MSH4: variants seen among roughly 807,000 people sequenced by gnomAD.
The protein encoded by MSH4 is mutS protein homolog 4.
In MSH4, 106 loss-of-function variants were observed where a neutral mutation model predicts 113.7. The ratio of observed to expected loss-of-function variants is 0.93; its 90% CI spans 0.80 to 1.10. The LOEUF is 1.10. MSH4 is among the 50% of genes least tolerant of loss of function. The pLI, the probability that MSH4 is intolerant of heterozygous loss-of-function variation, is 0.00. For synonymous variants in MSH4, 368 were observed against 380.2 expected, an observed-to-expected ratio of 0.97 and a Z score of 0.37; for missense variants, 1,061 against 1,093.7, an observed-to-expected ratio of 0.97 and a Z score of 0.42.
At chr1:75,889,181 A>G in intron 15 of MSH4, 70 bp from the exon 16 acceptor site, 1 of 745,138 alleles carries the variant, frequency 1.3e-6, no homozygotes, top group Non-Finnish European at 2.3e-6. Flanking sequence ...TAATCTGAGA[A>G]GTACAAAATG....
intron 17 of MSH4, among the ~76,000 whole-genome samples, chr1:75,891,133 A>G (rs1285559798): frequency 6.6e-6 from 1 of 152,154 alleles, no homozygotes; most frequent in African/African-American, 2.4e-5. Flanking sequence ...TCCATGTGCA[A>G]TGATGTTGAC....
chr1:75,870,582 G>A (rs749140635), intron 9 of MSH4, among the ~76,000 whole-genome samples: 7 of 152,222 alleles, frequency 4.6e-5, no homozygotes, highest in Non-Finnish European at 1.0e-4. Context: ...TAAGTCTCAC[G>A]AGATCTGATG....
At chr1:75,877,162 T>C (rs1319284648) in intron 10 of MSH4, among the ~76,000 whole-genome samples, 162 bp downstream of exon 10, 2 of 152,082 alleles carry the variant, frequency 1.3e-5, no homozygotes, top group Admixed American at 1.3e-4. Context: ...CATTTCACAT[T>C]ATAAGTAGAA....
intron 7 of MSH4, among the ~76,000 whole-genome samples, chr1:75,836,203 C>T (rs192468929): frequency 2.6e-5 from 4 of 152,256 alleles, no homozygotes; most frequent in Admixed American, 2.6e-4. Context: ...TGCCTGAAAT[C>T]ACACTGTTGG....
intron 4 of MSH4, among the ~76,000 whole-genome samples, chr1:75,814,171 A>T (rs573755722): frequency 6.6e-6 from 1 of 151,632 alleles, no homozygotes; most frequent in Non-Finnish European, 1.5e-5. Flanking sequence ...TCCATTATCA[A>T]CCGGGTGCTG....
At chr1:75,844,518 G>C (rs1651035030) in intron 7 of MSH4, among the ~76,000 whole-genome samples, 2 of 151,888 alleles carry the variant, frequency 1.3e-5, no homozygotes, top group African/African-American at 4.8e-5. Context: ...GTAGAGACAG[G>C]GTCTCACTGT....
chr1:75,836,255 C>T (rs1165692826), intron 7 of MSH4, among the ~76,000 whole-genome samples: 2 of 151,496 alleles, frequency 1.3e-5, no homozygotes, highest in Non-Finnish European at 2.9e-5. Context: ...CACTGCTCTA[C>T]TGGTTTCTTC....
intron 19 of MSH4, among the ~76,000 whole-genome samples, chr1:75,901,945 T>C (rs917182143): frequency 5.3e-5 from 8 of 152,094 alleles, no homozygotes; most frequent in African/African-American, 1.7e-4. Flanking sequence ...GTTGGCTATA[T>C]GTTTGTTTTG....
intron 19 of MSH4, among the ~76,000 whole-genome samples, chr1:75,907,217 T>C (rs989490475): frequency 4.6e-5 from 7 of 152,102 alleles, no homozygotes; most frequent in African/African-American, 1.4e-4. Flanking sequence ...CCTCAGCTTT[T>C]GTTTGTCTAG....
chr1:75,811,856 T>C (rs1209400180), intron 4 of MSH4, among the ~76,000 whole-genome samples: 1 of 152,230 alleles, frequency 6.6e-6, no homozygotes, highest in Non-Finnish European at 1.5e-5. Flanking sequence ...TCCTAATATA[T>C]TCAGCATCTG....
intron 1 of MSH4, among the ~76,000 whole-genome samples, 170 bp from the exon 2 acceptor site, chr1:75,803,561 G>A (rs1557488198): frequency 1.3e-5 from 2 of 152,050 alleles, no homozygotes; most frequent in Non-Finnish European, 2.9e-5. Flanking sequence ...ACGTTGCAGT[G>A]AGCCGAGATC....
intron 17 of MSH4, 29 bp from the exon 18 acceptor site, chr1:75,897,878 T>C: frequency 7.4e-7 from 1 of 1,348,248 alleles, no homozygotes; most frequent in Non-Finnish European, 9.8e-7. Context: ...TTTAAAGTAC[T>C]AATATTCATT....
intron 16 of MSH4, 55 bp downstream of exon 16, chr1:75,889,424 C>A: frequency 1.4e-6 from 1 of 722,674 alleles, no homozygotes; most frequent in South Asian, 1.9e-5. Context: ...TCACTAATGG[C>A]CAGTTATCAC....
chr1:75,805,456 C>A (rs144182205), intron 2 of MSH4, among the ~76,000 whole-genome samples: 1 of 149,278 alleles, frequency 6.7e-6, no homozygotes, highest in East Asian at 2.0e-4. Context: ...GGCACCATCT[C>A]GGCTCATTGC....
At chr1:75,805,252 A>G (rs1650034797) in intron 2 of MSH4, among the ~76,000 whole-genome samples, 1 of 152,192 alleles carries the variant, frequency 6.6e-6, no homozygotes, top group Non-Finnish European at 1.5e-5. Context: ...TAAATAACAT[A>G]ATAATGAGCA....
chr1:75,837,538 C>A (rs1007049163), intron 7 of MSH4, among the ~76,000 whole-genome samples: 2 of 151,908 alleles, frequency 1.3e-5, no homozygotes, highest in African/African-American at 4.8e-5. Context: ...AGGCACCCAC[C>A]ACCACACCCG....
rs1652823729 is a variant in MSH4, at chr1:75,913,059, CTT to C, written c.*173_*174del. On this transcript the variant is annotated 3_prime_UTR_variant, in exon 20 of 20. Transcript: ENST00000263187. ...TCTATATGAAAAATATTTATTATAACTTAACAAATGAGAACTACTTAAAGGAA... is the reference window on the plus strand; with the variant it reads ...TCTATATGAAAAATATTTATTATAACAACAAATGAGAACTACTTAAAGGAA... The C allele has an allele frequency of 2.9e-6, 1 of 345,954 alleles. No individual in the cohort carries two copies. The highest frequency in any genetic ancestry group is 4.8e-5 in the East Asian group (1 of 20,682). The allele number at this position is 345,954 out of a possible 1,614,324, so 21.4% of individuals were successfully genotyped here.
Position 75,822,413 on chromosome 1 carries a change from A to G in MSH4, c.994A>G (p.Asn332Asp), listed in dbSNP as rs2100520673. Residue 332 changes from asparagine to aspartate, a missense_variant, in exon 7 of 20, where the codon AAT (asparagine) becomes GAT (aspartate). Physicochemically the swap from Asn to Asp is conservative, Grantham distance 23. Transcript: ENST00000263187. ...LLINNQDYRN[N>D]HTLFGVLNYT... ...ACATTTCTTGTGTTTTGAAAGGAAT[A>G]ATCACACTCTCTTTGGTGTTCTAAA... 1 of 1,545,264 alleles carries G rather than the reference A, an allele frequency of 6.5e-7. No homozygotes were observed. The highest frequency in any genetic ancestry group is 1.3e-5 in the South Asian group (1 of 79,690).
intron 1 of MSH4, among the ~76,000 whole-genome samples, chr1:75,797,689 T>G (rs1030910341): frequency 6.6e-6 from 1 of 152,258 alleles, no homozygotes; most frequent in African/African-American, 2.4e-5. Context: ...CCCAGCACTT[T>G]GGGAAACCAG....
Sources: allele counts gnomAD v4.1 joint callset (sites outside exome capture counted in the v4.1 genomes callset), GRCh38; gene constraint gnomAD v4.1.1; transcripts MANE v1.5; gene names NCBI Gene and HGNC (gene_info 2026-07-23, HGNC 2026-07-21).